Variants in CRACDL observed in about 807,000 individuals in gnomAD.
CRACDL encodes the protein CRACD-like protein.
A neutral mutation model predicts 70.6 loss-of-function variants in CRACDL; 26 were observed. The ratio of observed to expected loss-of-function variants is 0.37; its 90% CI spans 0.27 to 0.51. The LOEUF is 0.51. Among genes scored for constraint, CRACDL ranks in the 20% least tolerant of loss-of-function variants. The pLI is 0.94. For missense variants in CRACDL, 1,283 were observed against 1,376.9 expected (o/e 0.93, Z 1.08); for synonymous variants, 618 against 615.2 (o/e 1.00, Z -0.07).
rs770698382 is a variant in CRACDL at position 98,829,859 on chromosome 2, AAAG to A, written c.540+2486_540+2488del. On this transcript the variant is annotated intron_variant, in intron 5 of 9. Transcript: ENST00000397899. ...GGGGGCCTGGCTGTTCGAGGGGTGAAAAGAAGCCGCTGGTCCTGCTGGGAAGGA... is the reference window on the plus strand; with the variant it reads ...GGGGGCCTGGCTGTTCGAGGGGTGAAAAGCCGCTGGTCCTGCTGGGAAGGA... Among the ~76,000 whole-genome samples, 66 of 152,110 alleles carry A rather than the reference AAAG, an allele frequency of 4.3e-4. 2 individuals are homozygous for A. Among genetic ancestry groups the A allele is most frequent in the Non-Finnish European group, 1.3e-4 (9 of 68,026 alleles).
intron 1 of CRACDL, among the ~76,000 whole-genome samples, chr2:98,882,583 C>A (rs1236462533): frequency 6.6e-6 from 1 of 152,182 alleles, no homozygotes; most frequent in African/African-American, 2.4e-5. Context: ...AGTCCTGGAT[C>A]CAGCTATTCC....
At chr2:98,833,337 C>T (rs965868299) in intron 3 of CRACDL, among the ~76,000 whole-genome samples, 5 of 152,156 alleles carry the variant, frequency 3.3e-5, no homozygotes, top group African/African-American at 1.2e-4. Context: ...CTGAGGAGGC[C>T]TGTCCCGGCT....
At chr2:98,896,213 C>T (rs1708120488) in intron 1 of CRACDL, among the ~76,000 whole-genome samples, 1 of 152,124 alleles carries the variant, frequency 6.6e-6, no homozygotes, top group South Asian at 2.1e-4. Context: ...GAAGACACGG[C>T]AAGCATGCAC....
intron 1 of CRACDL, among the ~76,000 whole-genome samples, chr2:98,921,031 T>TG (rs1374438652): frequency 6.6e-6 from 1 of 152,194 alleles, no homozygotes; most frequent in Non-Finnish European, 1.5e-5. Flanking sequence ...TGAGGGTGCA[T>TG]GCCAGCCCTG....
At chr2:98,878,548 A>G (rs1707549798) in intron 1 of CRACDL, among the ~76,000 whole-genome samples, 1 of 152,236 alleles carries the variant, frequency 6.6e-6, no homozygotes, top group Non-Finnish European at 1.5e-5. Context: ...TTCTCAGAAC[A>G]TGTTCCTGCT....
At chr2:98,870,951 C>T (rs1269493396) in intron 1 of CRACDL, among the ~76,000 whole-genome samples, 2 of 152,222 alleles carry the variant, frequency 1.3e-5, no homozygotes, top group Non-Finnish European at 2.9e-5. Context: ...GAGGCGCTGT[C>T]ACATCGTGTG....
chr2:98,925,858 A>C (rs1455914512), intron 1 of CRACDL, among the ~76,000 whole-genome samples: 1 of 152,038 alleles, frequency 6.6e-6, no homozygotes, highest in Non-Finnish European at 1.5e-5. Flanking sequence ...TTCTCTTCTA[A>C]ACACACACAT....
chr2:98,855,135 C>T (rs1273976107), intron 1 of CRACDL, among the ~76,000 whole-genome samples: 2 of 152,090 alleles, frequency 1.3e-5, no homozygotes, highest in Non-Finnish European at 2.9e-5. Flanking sequence ...CAAAAATTAG[C>T]TGGGCATGGT....
At chr2:98,796,882 C>A (rs993282244) in intron 8 of CRACDL, among the ~76,000 whole-genome samples, 1 of 152,196 alleles carries the variant, frequency 6.6e-6, no homozygotes, top group African/African-American at 2.4e-5. Flanking sequence ...AGCCCCGCAG[C>A]CCCAGGTGAG....
intron 1 of CRACDL, among the ~76,000 whole-genome samples, chr2:98,900,318 CA>C (rs1708244465): frequency 1.0e-5 from 1 of 98,694 alleles, no homozygotes; most frequent in Non-Finnish European, 1.9e-5. Context: ...GGAGGGGAGG[CA>C]GGGGGACAAA....
chr2:98,846,875 G>A lies in CRACDL; in HGVS notation c.-10-65C>T, dbSNP rs1573060142. On this transcript the variant is annotated intron_variant, in intron 1 of 9. Transcript: ENST00000397899. ...AGCAGAAGTTACCAATGAGTGAAAT[G>A]GTGTTCGTGACTGCATTTGCCATGA... 38 of 1,349,102 alleles carry A rather than the reference G, an allele frequency of 2.8e-5. No individual in the cohort carries two copies. The East Asian group carries it at 8.2e-4, about 29-fold the overall frequency. 83.6% of individuals were successfully genotyped at this position (1,349,102 alleles called of 1,614,324 possible). A position where few individuals can be genotyped will look rare whatever the true frequency, so the allele number is the denominator to read the frequency against.
intron 1 of CRACDL, among the ~76,000 whole-genome samples, chr2:98,923,356 A>T (rs1708847369): frequency 1.3e-5 from 2 of 152,022 alleles, no homozygotes; most frequent in Admixed American, 1.3e-4. Context: ...TATTATTTTT[A>T]AAAATTCATG....
chr2:98,815,711 TG>T (rs964466038), intron 7 of CRACDL, among the ~76,000 whole-genome samples: 21 of 152,246 alleles, frequency 1.4e-4, no homozygotes, highest in Middle Eastern at 6.8e-3. Flanking sequence ...GGTGCATACT[TG>T]GAGCAGGGCT....
intron 7 of CRACDL, among the ~76,000 whole-genome samples, chr2:98,805,342 G>A (rs1311149339): frequency 2.0e-5 from 3 of 152,146 alleles, no homozygotes; most frequent in Admixed American, 2.0e-4. Flanking sequence ...AGAGTGACCA[G>A]GAAGAAGAGC....
At chr2:98,801,086 C>T (rs1704055557) in intron 7 of CRACDL, among the ~76,000 whole-genome samples, 1 of 152,172 alleles carries the variant, frequency 6.6e-6, no homozygotes, top group South Asian at 2.1e-4. Flanking sequence ...ACCACACCAC[C>T]ATTTCTCTCC....
intron 1 of CRACDL, among the ~76,000 whole-genome samples, chr2:98,900,377 G>A (rs1462198777): frequency 6.7e-6 from 1 of 150,100 alleles, no homozygotes; most frequent in African/African-American, 2.5e-5. Context: ...TGGGAGGGGA[G>A]GCAGGGGGAT....
intron 5 of CRACDL, 88 bp from the exon 6 acceptor site, chr2:98,827,257 A>C: frequency 1.1e-6 from 1 of 905,958 alleles, no homozygotes; most frequent in Admixed American, 2.0e-5. Flanking sequence ...TTTTCTGCCC[A>C]GGCTGTCTTC....
At chr2:98,799,162 C>T (rs1041544124) in intron 7 of CRACDL, among the ~76,000 whole-genome samples, 1 of 152,168 alleles carries the variant, frequency 6.6e-6, no homozygotes. Context: ...GTGACAACAG[C>T]ACTGTTTCAC....
At chr2:98,826,097 G>A (rs1220853641) in intron 6 of CRACDL, among the ~76,000 whole-genome samples, 2 of 152,198 alleles carry the variant, frequency 1.3e-5, no homozygotes, top group Non-Finnish European at 2.9e-5. Flanking sequence ...GTCAGGTAGG[G>A]GAGAGGGAAC....
Sources: allele counts gnomAD v4.1 joint callset (sites outside exome capture counted in the v4.1 genomes callset), GRCh38; gene constraint gnomAD v4.1.1; transcripts MANE v1.5; gene names NCBI Gene and HGNC (gene_info 2026-07-23, HGNC 2026-07-21).